The following CACNA2D3 variants were observed in gnomAD, a reference collection of about 807,000 sequenced individuals.
CACNA2D3 encodes the protein calcium voltage-gated channel auxiliary subunit alpha2delta 3, also known as voltage-dependent calcium channel subunit alpha-2/delta-3.
Under a neutral mutation model 160.6 loss-of-function variants are expected in CACNA2D3, and 60 were observed. That is an observed-to-expected ratio of 0.37 (90% CI 0.30 to 0.46). CACNA2D3 has a LOEUF of 0.46. CACNA2D3 is among the 20% of genes least tolerant of loss of function. CACNA2D3 has a pLI of 1.00. For synonymous variants in CACNA2D3, 558 were observed against 492.9 expected (o/e 1.13, Z -1.75); for missense variants, 1,205 against 1,365.0 (o/e 0.88, Z 1.85).
At chr3:54,309,219 A>C (rs1313927193) in intron 2 of CACNA2D3, among the ~76,000 whole-genome samples, 1 of 152,232 alleles carries the variant, frequency 6.6e-6, no homozygotes, top group African/African-American at 2.4e-5. Flanking sequence ...TTAATTCCCC[A>C]GGTTTAAAGC....
At chr3:54,845,817 A>C (rs1378513171) in intron 16 of CACNA2D3, among the ~76,000 whole-genome samples, 1 of 152,362 alleles carries the variant, frequency 6.6e-6, no homozygotes, top group East Asian at 1.9e-4. Context: ...CTAGGCAGCC[A>C]CACAATTTGA....
intron 3 of CACNA2D3, among the ~76,000 whole-genome samples, chr3:54,355,514 A>G (rs1040831414): frequency 3.9e-5 from 6 of 152,136 alleles, no homozygotes; most frequent in Non-Finnish European, 7.3e-5. Flanking sequence ...GGAATTGTTC[A>G]TAGGTTGGCC....
intron 6 of CACNA2D3, among the ~76,000 whole-genome samples, chr3:54,563,136 G>A (rs1035416292): frequency 2.0e-5 from 3 of 152,130 alleles, no homozygotes; most frequent in East Asian, 1.9e-4. Context: ...CATGATCACA[G>A]GAATTCTCTG....
At chr3:54,702,052 AT>A (rs2106948992) in intron 11 of CACNA2D3, among the ~76,000 whole-genome samples, 1 of 152,336 alleles carries the variant, frequency 6.6e-6, no homozygotes, top group Non-Finnish European at 1.5e-5. Context: ...ATAATTGGCT[AT>A]CTGCATGCAA....
At chr3:54,843,431 G>T (rs1001467304) in intron 16 of CACNA2D3, among the ~76,000 whole-genome samples, 1 of 152,194 alleles carries the variant, frequency 6.6e-6, no homozygotes, top group African/African-American at 2.4e-5. Flanking sequence ...TTGGGTAGCA[G>T]GCACTGTGAC....
chr3:54,232,214 C>A (rs1279318591), intron 2 of CACNA2D3, among the ~76,000 whole-genome samples: 2 of 152,200 alleles, frequency 1.3e-5, no homozygotes, highest in Non-Finnish European at 2.9e-5. Flanking sequence ...GTCACTGTTG[C>A]TGGCTTTATG....
At chr3:54,590,338 T>C (rs942799915) in intron 9 of CACNA2D3, among the ~76,000 whole-genome samples, 3 of 152,156 alleles carry the variant, frequency 2.0e-5, no homozygotes, top group African/African-American at 4.8e-5. Context: ...AAAGAACACA[T>C]ACTTCATGAT....
At chr3:54,341,105 TTCCATGGTCACTTTCACTAAGATAACTC>T (rs1223010995) in intron 3 of CACNA2D3, among the ~76,000 whole-genome samples, 3 of 152,234 alleles carry the variant, frequency 2.0e-5, no homozygotes, top group Non-Finnish European at 2.9e-5. Flanking sequence ...CAAAAAGACT[TTCCATGGTCACTTTCACTAAGATAACTC>T]TCCAGCCCTT....
intron 2 of CACNA2D3, among the ~76,000 whole-genome samples, chr3:54,320,004 T>C (rs946566220): frequency 5.3e-5 from 8 of 152,064 alleles, no homozygotes; most frequent in African/African-American, 1.7e-4. Flanking sequence ...GTTGGAAAAA[T>C]GAGGACTTCA....
chr3:54,135,210 C>T (rs1470935676), intron 2 of CACNA2D3, among the ~76,000 whole-genome samples: 2 of 152,204 alleles, frequency 1.3e-5, no homozygotes, highest in Middle Eastern at 3.4e-3. Context: ...TTTATATCAC[C>T]GGGGCTGAAT....
chr3:54,463,648 G>T (rs1370456179), intron 4 of CACNA2D3, among the ~76,000 whole-genome samples: 1 of 151,984 alleles, frequency 6.6e-6, no homozygotes, highest in Non-Finnish European at 1.5e-5. Flanking sequence ...CTTCTCTATT[G>T]GTTATTCTAG....
At chr3:54,857,082 G>A (rs1340163219) in intron 17 of CACNA2D3, among the ~76,000 whole-genome samples, 2 of 152,164 alleles carry the variant, frequency 1.3e-5, no homozygotes, top group African/African-American at 4.8e-5. Flanking sequence ...TGCCTGGCCA[G>A]GATGATGTAT....
At chr3:54,976,337 G>C (rs368629346) in intron 29 of CACNA2D3, among the ~76,000 whole-genome samples, 1 of 122,880 alleles carries the variant, frequency 8.1e-6, no homozygotes, top group African/African-American at 3.0e-5. Context: ...GTTGTGGGGT[G>C]GGGGGAGGGG....
At chr3:54,679,146 C>T (rs1284072919) in intron 11 of CACNA2D3, among the ~76,000 whole-genome samples, 1 of 152,154 alleles carries the variant, frequency 6.6e-6, no homozygotes. Context: ...CTCTGCGGTC[C>T]CATTGGTCCT....
chr3:54,534,458 T>C (rs973954738), intron 5 of CACNA2D3, among the ~76,000 whole-genome samples: 2 of 152,082 alleles, frequency 1.3e-5, no homozygotes, highest in African/African-American at 4.8e-5. Context: ...TTCTTCACCA[T>C]GTGAAGCTCA....
In CACNA2D3 at chr3:54,964,716, C is replaced by T. The variant is rs112770515; in HGVS notation, c.2450-3734C>T. Among the ~76,000 whole-genome samples the T allele has an allele frequency of 8.8e-3, 1,335 of 152,144 alleles. 20 individuals are homozygous for T. The highest frequency in any genetic ancestry group is 0.031 in the African/African-American group (1,279 of 41,500). On this transcript the variant is annotated intron_variant, in intron 27 of 37. Transcript: ENST00000474759. Reference sequence around the variant, plus strand: ...AAGGAAGCTACACTTCTGTTTGTGGCTTGTGGCAGGTGATATTTGTTTTTC... The same window carrying T: ...AAGGAAGCTACACTTCTGTTTGTGGTTTGTGGCAGGTGATATTTGTTTTTC...
At position 54,966,712 on chromosome 3, in the gene CACNA2D3, G is replaced by A. The variant is rs549357724; in HGVS notation, c.2450-1738G>A. ...TGCACACCTGTAATCCCAGCTACTC[G>A]GGAGGCTGAGGCATGAGAATCACTT... On this transcript the variant is annotated intron_variant, in intron 27 of 37. Transcript: ENST00000474759. Among the ~76,000 whole-genome samples the A allele has an allele frequency of 3.8e-4, 58 of 152,134 alleles. 1 individual carries two copies. The highest frequency in any genetic ancestry group is 1.2e-3 in the African/African-American group (49 of 41,514).
At chr3:54,259,587 A>C (rs2107437725) in intron 2 of CACNA2D3, among the ~76,000 whole-genome samples, 1 of 152,334 alleles carries the variant, frequency 6.6e-6, no homozygotes, top group South Asian at 2.1e-4. Flanking sequence ...AGAAGGATAC[A>C]GCTGAGCCAA....
At chr3:54,845,555 G>A (rs184122404) in intron 16 of CACNA2D3, among the ~76,000 whole-genome samples, 77 of 152,322 alleles carry the variant, frequency 5.1e-4, no homozygotes, top group Non-Finnish European at 1.0e-3. Context: ...ATACATGAAT[G>A]ATTTGTAGGT....
Sources: gnomAD v4.1 joint callset for allele counts (sites outside exome capture counted in the v4.1 genomes callset) on GRCh38, gnomAD v4.1.1 for gene constraint, MANE v1.5 for transcripts, NCBI Gene and HGNC (gene_info 2026-07-23, HGNC 2026-07-21) for gene names.